The following DENND4A variants were observed in gnomAD, a reference collection of about 807,000 sequenced individuals.
The protein encoded by DENND4A is C-myc promoter-binding protein.
DENND4A carries 70 observed loss-of-function variants against 199.3 expected under a neutral mutation model. That is an observed-to-expected ratio of 0.35 (90% CI 0.29 to 0.43). The LOEUF is 0.43. DENND4A is among the 20% of genes least tolerant of loss of function. The pLI is 1.00. For synonymous variants in DENND4A, 686 were observed against 766.9 expected (o/e 0.89, Z 1.74); for missense variants, 1,723 against 2,255.8 (o/e 0.76, Z 4.78).
chr15:65,686,044 T>C (rs1041700390), intron 23 of DENND4A, among the ~76,000 whole-genome samples: 2 of 152,230 alleles, frequency 1.3e-5, no homozygotes, highest in Non-Finnish European at 2.9e-5. Flanking sequence ...GATCAGCTTG[T>C]CAAATTCTAC....
chr15:65,744,799 T>C (rs2076347115), intron 4 of DENND4A, among the ~76,000 whole-genome samples: 1 of 152,164 alleles, frequency 6.6e-6, no homozygotes, highest in Non-Finnish European at 1.5e-5. Flanking sequence ...TGTAATCCTT[T>C]CAAGAATTAA....
At position 65,690,868 on chromosome 15, in the gene DENND4A, T is replaced by G; in HGVS notation, c.3726A>C (p.Pro1242=). Residue 1242 remains proline, a synonymous_variant, in exon 23 of 33, where the codon CCA becomes CCC. Coordinates refer to ENST00000443035, the MANE Select transcript of DENND4A (RefSeq NM_001320835.1). The part of the protein sequence containing the change: ...DEDDSKSIST[P]SARRDLAEEI... Reference sequence around the variant, plus strand: ...CTTCAGCTAAATCACGCCTAGCAGATGGTGTTGAAATGCTTTTGCTATCAT... The same window carrying G: ...CTTCAGCTAAATCACGCCTAGCAGAGGGTGTTGAAATGCTTTTGCTATCAT... The G allele has an allele frequency of 6.2e-7, 1 of 1,612,002 alleles. No homozygotes were observed. Among genetic ancestry groups the G allele is most frequent in the South Asian group, 1.1e-5 (1 of 90,840 alleles).
intron 1 of DENND4A, among the ~76,000 whole-genome samples, chr15:65,780,712 T>C (rs1030938946): frequency 1.3e-5 from 2 of 152,228 alleles, no homozygotes; most frequent in African/African-American, 4.8e-5. Flanking sequence ...GTCATAGGCA[T>C]TGTTCTAAGT....
At chr15:65,710,293 T>C (rs747613659) in intron 14 of DENND4A, among the ~76,000 whole-genome samples, 5 of 152,148 alleles carry the variant, frequency 3.3e-5, no homozygotes, top group Non-Finnish European at 5.9e-5. Flanking sequence ...AAGGGAACAA[T>C]ATAAGACTTC....
chr15:65,750,674 A>G (rs1047644710), intron 4 of DENND4A, among the ~76,000 whole-genome samples: 2 of 152,148 alleles, frequency 1.3e-5, no homozygotes, highest in African/African-American at 4.8e-5. Context: ...TTTCTACTCC[A>G]TAGATCTACA....
intron 12 of DENND4A, among the ~76,000 whole-genome samples, chr15:65,718,760 C>CTTTTTTTTTTTTTTTTTTCT (rs2075500701): frequency 1.5e-5 from 1 of 67,738 alleles, no homozygotes; most frequent in African/African-American, 5.0e-5. Flanking sequence ...GTTTTTTTTC[C>CTTTTTTTTTTTTTTTTTTCT]TTTTTTTTTT....
chr15:65,706,057 T>C (rs1330677816), intron 15 of DENND4A, 34 bp downstream of exon 15: 1 of 1,481,092 alleles, frequency 6.8e-7, no homozygotes, highest in Non-Finnish European at 9.0e-7. Context: ...ATTGCTTCTC[T>C]CTTTCAATCT....
chr15:65,682,825 T>G (rs1169486590), intron 23 of DENND4A, among the ~76,000 whole-genome samples: 2 of 152,194 alleles, frequency 1.3e-5, no homozygotes, highest in African/African-American at 2.4e-5. Context: ...AATATTGTTG[T>G]GTCTCAAGGA....
At chr15:65,739,759 G>T (rs1207704481) in intron 5 of DENND4A, among the ~76,000 whole-genome samples, 1 of 152,202 alleles carries the variant, frequency 6.6e-6, no homozygotes. Context: ...TAAGGTCCAA[G>T]GCAGTTCTAA....
At chr15:65,705,386 A>G (rs1173402389) in intron 15 of DENND4A, among the ~76,000 whole-genome samples, 4 of 152,232 alleles carry the variant, frequency 2.6e-5, no homozygotes, top group Non-Finnish European at 5.9e-5. Flanking sequence ...TTAAACTCTA[A>G]AAGAAACTAC....
chr15:65,750,740 T>A lies in DENND4A; in HGVS notation c.561+1639A>T, dbSNP rs182837519. On this transcript the variant is annotated intron_variant, in intron 4 of 32. Coordinates refer to ENST00000443035, the MANE Select transcript of DENND4A (RefSeq NM_001320835.1). Reference sequence around the variant, plus strand: ...TTGAGTATACATTCCTTTTTTTTTTTAATTTAAAACAGTAATAAAAGAACA... The same window carrying A: ...TTGAGTATACATTCCTTTTTTTTTTAAATTTAAAACAGTAATAAAAGAACA... Among the ~76,000 whole-genome samples the A allele has an allele frequency of 6.9e-3, 1,045 of 152,068 alleles. 11 individuals are homozygous for A. The highest frequency in any genetic ancestry group is 0.024 in the African/African-American group (984 of 41,488).
At chr15:65,687,255 T>C (rs768265331) in intron 23 of DENND4A, among the ~76,000 whole-genome samples, 9 of 152,198 alleles carry the variant, frequency 5.9e-5, no homozygotes, top group Non-Finnish European at 1.2e-4. Flanking sequence ...TCATTTCATA[T>C]TTAATAATAT....
intron 23 of DENND4A, among the ~76,000 whole-genome samples, chr15:65,685,295 T>A (rs1041289429): frequency 6.6e-6 from 1 of 152,058 alleles, no homozygotes; most frequent in African/African-American, 2.4e-5. Context: ...CCCGGCTAAT[T>A]TTTTGTATTT....
intron 23 of DENND4A, among the ~76,000 whole-genome samples, chr15:65,685,496 A>C (rs754447680): frequency 2.5e-4 from 38 of 152,194 alleles, no homozygotes; most frequent in Non-Finnish European, 4.4e-4. Context: ...ATATAAGTTG[A>C]GTGTCTACAT....
intron 14 of DENND4A, among the ~76,000 whole-genome samples, chr15:65,710,592 A>C (rs11636247): frequency 0.021 from 3,185 of 152,318 alleles, 43 homozygotes; most frequent in Middle Eastern, 0.058. Context: ...ACAAAAAAAA[A>C]CCCACAATTG....
At chr15:65,695,548 A>T (rs1026691488) in intron 22 of DENND4A, among the ~76,000 whole-genome samples, 4 of 152,170 alleles carry the variant, frequency 2.6e-5, no homozygotes, top group African/African-American at 7.2e-5. Flanking sequence ...GGCATATCTA[A>T]CTGTGTTGCA....
At chr15:65,709,355 AAT>A (rs2075159296) in intron 14 of DENND4A, among the ~76,000 whole-genome samples, 1 of 152,302 alleles carries the variant, frequency 6.6e-6, no homozygotes, top group East Asian at 1.9e-4. Context: ...AGTTCTGGCT[AAT>A]AACACCACCA....
rs759979450 is a variant in DENND4A, at chr15:65,702,922, T to C, written c.2174A>G (p.Lys725Arg). The C allele has an allele frequency of 6.2e-7, 1 of 1,613,442 alleles. No homozygotes were observed. Among genetic ancestry groups the C allele is most frequent in the South Asian group, 1.1e-5 (1 of 91,060 alleles). The change falls in exon 16 of 33, where the codon AAA becomes AGA. Residue 725 changes from lysine to arginine, a missense_variant. Lys to Arg is a conservative substitution (Grantham distance 26). Transcript: ENST00000443035. ...CAAAGGGCTATTAGGACTACTTGATTTTGAAGGCAATTTGTTCTTCTTTGC... is the reference window on the plus strand; with the variant it reads ...CAAAGGGCTATTAGGACTACTTGATCTTGAAGGCAATTTGTTCTTCTTTGC... Reference protein sequence around the residue: ...LQAKKNKLPSKSSSPNSPLPM... With the variant: ...LQAKKNKLPSRSSSPNSPLPM...
chr15:65,728,004 G>GTT (rs199942569), intron 11 of DENND4A, among the ~76,000 whole-genome samples: 2 of 149,474 alleles, frequency 1.3e-5, no homozygotes, highest in African/African-American at 2.5e-5. Flanking sequence ...TTTTTTGTTT[G>GTT]TTTTTTTTTG....
Sources: allele counts gnomAD v4.1 joint callset (sites outside exome capture counted in the v4.1 genomes callset), GRCh38; gene constraint gnomAD v4.1.1; transcripts MANE v1.5; gene names NCBI Gene and HGNC (gene_info 2026-07-23, HGNC 2026-07-21).